Variants in USP9X observed in about 807,000 individuals in gnomAD.
USP9X encodes ubiquitin specific peptidase 9 X-linked.
A neutral mutation model predicts 190.3 loss-of-function variants in USP9X; 7 were observed. That is an observed-to-expected ratio of 0.04 (90% CI 0.02 to 0.07). The LOEUF is 0.07. Among genes scored for constraint, USP9X ranks in the 10% least tolerant of loss-of-function variants. The probability of loss-of-function intolerance (pLI) is 1.00; values close to 1 mark genes in which losing one functional copy is unlikely to be tolerated. For missense variants in USP9X, 1,010 were observed against 1,916.9 expected, an observed-to-expected ratio of 0.53 and a Z score of 8.83; for synonymous variants, 645 against 659.5, an observed-to-expected ratio of 0.98 and a Z score of 0.34.
At chrX:41,098,360 G>A (rs1197010558) in intron 1 of USP9X, among the ~76,000 whole-genome samples, 5 of 110,530 alleles carry the variant, frequency 4.5e-5, no homozygotes, top group African/African-American at 6.6e-5. Flanking sequence ...GGCTGGTCTC[G>A]AACTGCTGAC....
chrX:41,202,740 A>C (rs971240428), intron 31 of USP9X, among the ~76,000 whole-genome samples: 1 of 112,075 alleles, frequency 8.9e-6, no homozygotes, highest in African/African-American at 3.2e-5. Flanking sequence ...AATGTAATTC[A>C]AATTCCAGTT....
intron 29 of USP9X, 109 bp from the exon 30 acceptor site, chrX:41,198,419 G>A (rs1038673566): frequency 2.3e-5 from 9 of 399,068 alleles, no homozygotes; most frequent in African/African-American, 1.8e-4. Flanking sequence ...GATGTAATGA[G>A]ATCTTAAATT....
At chrX:41,211,926 C>T (rs1239402119) in intron 33 of USP9X, among the ~76,000 whole-genome samples, 3 of 108,606 alleles carry the variant, frequency 2.8e-5, no homozygotes, top group African/African-American at 6.8e-5. Context: ...AAGTGAGGAG[C>T]CCCTCTGCCC....
In USP9X at chrX:41,123,625, G is replaced by A. The variant is rs1245895555; in HGVS notation, c.-4G>A. The A allele has an allele frequency of 7.4e-6, 9 of 1,209,816 alleles. No individual in the cohort carries two copies. The highest frequency in any genetic ancestry group is 3.0e-5 in the East Asian group (1 of 33,796). Reference sequence around the variant, plus strand: ...AAATTGCAAAGATCTGCCCTGTGTCGAGTATGACAGCCACGACTCGTGGCT... The same window carrying A: ...AAATTGCAAAGATCTGCCCTGTGTCAAGTATGACAGCCACGACTCGTGGCT... On this transcript the variant is annotated 5_prime_UTR_variant, in exon 2 of 45. Transcript: ENST00000378308.
Position 41,198,678 on chromosome X carries a change from G to A in USP9X, c.4531G>A (p.Gly1511Ser). Residue 1511 changes from glycine to serine, a missense_variant, in exon 30 of 45, where the codon GGC (glycine) becomes AGC (serine). Physicochemically the swap from Gly to Ser is moderately conservative, Grantham distance 56. Transcript: ENST00000378308. ...TGAATTACTTGTAGCATTAGCTGTT[G>A]GCTGTGTGAGGAATCTCAAACAAAT... is the stretch of plus-strand genomic sequence containing the variant. Reference protein sequence around the residue: ...GFELLVALAVGCVRNLKQIVD... With the variant: ...GFELLVALAVSCVRNLKQIVD... The A allele has an allele frequency of 8.3e-7, 1 of 1,211,578 alleles. No homozygotes were observed. Among genetic ancestry groups the A allele is most frequent in the Non-Finnish European group, 1.1e-6 (1 of 895,440 alleles).
intron 1 of USP9X, among the ~76,000 whole-genome samples, chrX:41,102,542 G>A (rs1434586806): frequency 9.0e-6 from 1 of 111,669 alleles, no homozygotes; most frequent in Admixed American, 9.5e-5. Context: ...AGAATTGCTT[G>A]AGCCCAGGAG....
chrX:41,106,810 C>T (rs1421044331), intron 1 of USP9X, among the ~76,000 whole-genome samples: 1 of 108,615 alleles, frequency 9.2e-6, no homozygotes, highest in South Asian at 3.9e-4. Flanking sequence ...GGATTACAGG[C>T]GTGAGCCACT....
At chrX:41,139,906 A>T (rs2062407391) in intron 6 of USP9X, among the ~76,000 whole-genome samples, 1 of 111,962 alleles carries the variant, frequency 8.9e-6, no homozygotes. Context: ...TCTTAGGTAC[A>T]TTAATTTCTA....
chrX:41,101,554 A>AGTT (rs2062034232), intron 1 of USP9X, among the ~76,000 whole-genome samples: 3 of 111,640 alleles, frequency 2.7e-5, no homozygotes, highest in African/African-American at 9.8e-5. Flanking sequence ...GGGTTCAAAC[A>AGTT]GTCTCCCTGC....
chrX:41,178,055 AT>A (rs2062791432), intron 21 of USP9X, among the ~76,000 whole-genome samples: 1 of 70,411 alleles, frequency 1.4e-5, no homozygotes, highest in African/African-American at 5.6e-5. Context: ...AAGGAAGGGT[AT>A]TTAGAAATCA....
chrX:41,136,119 GCTAGCAAATT>G (rs2062370695), intron 5 of USP9X, among the ~76,000 whole-genome samples: 1 of 112,014 alleles, frequency 8.9e-6, no homozygotes, highest in Admixed American at 9.5e-5. Flanking sequence ...TTGACATTTA[GCTAGCAAATT>G]TATCTTGGAT....
chrX:41,130,949 C>T (rs546043868), intron 3 of USP9X, among the ~76,000 whole-genome samples: 13 of 109,841 alleles, frequency 1.2e-4, no homozygotes, highest in African/African-American at 3.6e-4. Context: ...TGGTCTCGAA[C>T]GCCTGATGTC....
chrX:41,182,101 C>T (rs1162413524), intron 21 of USP9X, among the ~76,000 whole-genome samples: 2 of 111,855 alleles, frequency 1.8e-5, no homozygotes, highest in Admixed American at 1.9e-4. Context: ...TACTTCTGAC[C>T]GGGTCACGCT....
intron 26 of USP9X, among the ~76,000 whole-genome samples, chrX:41,190,881 C>T (rs781579254): frequency 1.3e-4 from 14 of 111,496 alleles, no homozygotes; most frequent in Non-Finnish European, 2.4e-4. Flanking sequence ...ATAGGGAGGG[C>T]GTTCTAAGTT....
rs1306038835 is a variant in USP9X, at chrX:41,230,582, T to A, written c.7513T>A (p.Ser2505Thr). 1 of 1,209,068 alleles carries A rather than the reference T, an allele frequency of 8.3e-7. No individual in the cohort carries two copies. Among genetic ancestry groups the A allele is most frequent in the Non-Finnish European group, 1.1e-6 (1 of 893,535 alleles). The change falls in exon 44 of 45, where the codon TCT becomes ACT. Residue 2505 changes from serine (S) to threonine (T), a missense_variant. Transcript: ENST00000378308. The stretch of plus-strand genomic sequence containing the variant: ...CCCATTGTACCCCCATTCACCTGGA[T>A]CTCAGTATCAACAGGTAAACAGGAG... ...DAPLYPHSPGSQYQQNNHVHG... is the reference protein window; with the variant it reads ...DAPLYPHSPGTQYQQNNHVHG...
chrX:41,162,341 T>C (rs1219995115), intron 14 of USP9X, among the ~76,000 whole-genome samples: 1 of 112,335 alleles, frequency 8.9e-6, no homozygotes, highest in Non-Finnish European at 1.9e-5. Flanking sequence ...TAGCATCTTG[T>C]GTTACCCTCA....
chrX:41,124,060 AC>A (rs1163129238), intron 2 of USP9X, among the ~76,000 whole-genome samples: 1 of 108,289 alleles, frequency 9.2e-6, no homozygotes, highest in Non-Finnish European at 1.9e-5. Context: ...AAAACAAAAA[AC>A]CTACATTGGT....
chrX:41,167,066 A>G (rs912718432), intron 16 of USP9X: 1 of 133,765 alleles, frequency 7.5e-6, no homozygotes, highest in African/African-American at 3.2e-5. Context: ...GAAACCACTA[A>G]TGTAATTAGA....
intron 1 of USP9X, among the ~76,000 whole-genome samples, chrX:41,093,335 G>A (rs1002528735): frequency 6.2e-5 from 7 of 112,315 alleles, no homozygotes; most frequent in African/African-American, 2.3e-4. Context: ...GCAGTATCTT[G>A]TGTTTATGTG....
Sources: allele counts gnomAD v4.1 joint callset (sites outside exome capture counted in the v4.1 genomes callset), GRCh38; gene constraint gnomAD v4.1.1; transcripts MANE v1.5; gene names NCBI Gene and HGNC (gene_info 2026-07-23, HGNC 2026-07-21).